Variants in PLPPR5 observed in about 807,000 individuals in gnomAD.
PLPPR5 encodes the protein phospholipid phosphatase-related protein type 5.
Under a neutral mutation model 33.9 loss-of-function variants are expected in PLPPR5, and 16 were observed. The observed-to-expected ratio is 0.47, with a 90% CI of 0.32 to 0.72. The LOEUF (loss-of-function observed/expected upper bound fraction) is 0.72. Ranked by LOEUF, PLPPR5 falls within the 30% of genes least tolerant of loss-of-function variation. PLPPR5 has a pLI of 0.03. For missense variants in PLPPR5, 301 were observed against 406.7 expected (o/e 0.74, Z 2.23); for synonymous variants, 163 against 150.3 (o/e 1.08, Z -0.62).
intron 3 of PLPPR5, among the ~76,000 whole-genome samples, chr1:98,928,152 T>C (rs996284772): frequency 6.6e-6 from 1 of 152,108 alleles, no homozygotes; most frequent in Admixed American, 6.5e-5. Flanking sequence ...GCACTTGAAA[T>C]ATGATGAGGC....
rs1164781915 is a variant in PLPPR5 at position 98,983,231 on chromosome 1, TC to T, written c.237+21203del. On this transcript the variant is annotated intron_variant, in intron 1 of 5. Coordinates refer to ENST00000263177, the MANE Select transcript of PLPPR5 (RefSeq NM_001037317.2). ...TAGGTATATCTCCCAATGCTATCCC[TC>T]CCCCCTCCCCCCACCCCACAACAGT... Among the ~76,000 whole-genome samples the T allele has an allele frequency of 3.2e-5, 3 of 94,692 alleles. No homozygotes were observed. The Admixed American group carries it at 3.8e-4, about 12-fold the overall frequency. The allele number at this position is 94,692 out of a possible 152,430, so 62.1% of individuals were successfully genotyped here.
intron 1 of PLPPR5, among the ~76,000 whole-genome samples, chr1:98,972,837 C>T (rs1037467247): frequency 6.6e-6 from 1 of 151,938 alleles, no homozygotes; most frequent in African/African-American, 2.4e-5. Context: ...GAGATTCTGC[C>T]CAATGAAGCA....
chr1:98,914,216 G>A (rs1175774161), intron 5 of PLPPR5, among the ~76,000 whole-genome samples: 2 of 152,104 alleles, frequency 1.3e-5, no homozygotes, highest in African/African-American at 2.4e-5. Flanking sequence ...TCCTTATTTA[G>A]AAACTACAGC....
At chr1:98,986,069 C>T (rs1652250608) in intron 1 of PLPPR5, among the ~76,000 whole-genome samples, 1 of 151,930 alleles carries the variant, frequency 6.6e-6, no homozygotes, top group Non-Finnish European at 1.5e-5. Context: ...ATGCACTTGT[C>T]ACCGTTTCAA....
chr1:98,902,974 CATAA>C (rs1648750963), intron 5 of PLPPR5, among the ~76,000 whole-genome samples: 1 of 151,928 alleles, frequency 6.6e-6, no homozygotes, highest in African/African-American at 2.4e-5. Flanking sequence ...TGTAATAATT[CATAA>C]ATAGTGTGGA....
intron 1 of PLPPR5, among the ~76,000 whole-genome samples, chr1:98,980,430 T>G (rs1463250027): frequency 6.6e-6 from 1 of 152,142 alleles, no homozygotes; most frequent in East Asian, 1.9e-4. Flanking sequence ...TGTAAAAGCC[T>G]GTCTTATGTG....
At position 98,993,516 on chromosome 1, in the gene PLPPR5, T is replaced by C. The variant is rs914261234; in HGVS notation, c.237+10919A>G. 1.2e-4 allele frequency among the ~76,000 whole-genome samples: 18 copies of C among 152,238 alleles called. No individual in the cohort carries two copies. The East Asian group carries it at 3.3e-3, about 28-fold the overall frequency. On this transcript the variant is annotated intron_variant, in intron 1 of 5. Transcript: ENST00000263177. The stretch of plus-strand genomic sequence containing the variant: ...GTTTTGACTAAGTCTCTTCATTCAA[T>C]TTAGTAACTGAGCAAGCCCAACACT...
intron 3 of PLPPR5, among the ~76,000 whole-genome samples, chr1:98,935,923 G>A (rs1241560903): frequency 6.6e-6 from 1 of 152,054 alleles, no homozygotes; most frequent in Non-Finnish European, 1.5e-5. Flanking sequence ...AGTGCCCAGG[G>A]TAAGGGACCT....
intron 1 of PLPPR5, among the ~76,000 whole-genome samples, chr1:98,984,020 A>C (rs910715921): frequency 7.3e-5 from 11 of 151,442 alleles, no homozygotes; most frequent in African/African-American, 2.7e-4. Flanking sequence ...CACTTAGGTA[A>C]GGGAGGCCTC....
chr1:98,893,332 C>A (rs775956368), intron 5 of PLPPR5, among the ~76,000 whole-genome samples: 11 of 151,920 alleles, frequency 7.2e-5, no homozygotes, highest in Non-Finnish European at 1.6e-4. Flanking sequence ...GTTATACCTG[C>A]TTTATTCAAA....
chr1:98,910,169 T>C (rs968991035), intron 5 of PLPPR5, among the ~76,000 whole-genome samples: 2 of 152,102 alleles, frequency 1.3e-5, no homozygotes, highest in Admixed American at 1.3e-4. Flanking sequence ...AACCAGAAAA[T>C]GACAGCTTGG....
At chr1:98,977,216 G>A (rs1468691442) in intron 1 of PLPPR5, among the ~76,000 whole-genome samples, 2 of 151,970 alleles carry the variant, frequency 1.3e-5, no homozygotes, top group East Asian at 3.9e-4. Flanking sequence ...ATAAATACAT[G>A]TGAAACTCTA....
intron 1 of PLPPR5, among the ~76,000 whole-genome samples, chr1:98,974,181 C>G (rs1011762787): frequency 9.2e-5 from 14 of 151,996 alleles, no homozygotes; most frequent in African/African-American, 3.1e-4. Flanking sequence ...GAAGTGTCAG[C>G]AAGTAGAGAA....
intron 5 of PLPPR5, among the ~76,000 whole-genome samples, chr1:98,913,126 T>A (rs990547541): frequency 6.6e-6 from 1 of 152,144 alleles, no homozygotes; most frequent in Non-Finnish European, 1.5e-5. Context: ...CCAGAACAAA[T>A]CTCATCCCTC....
At chr1:98,903,088 T>G (rs1426060076) in intron 5 of PLPPR5, among the ~76,000 whole-genome samples, 2 of 152,166 alleles carry the variant, frequency 1.3e-5, no homozygotes, top group Non-Finnish European at 2.9e-5. Flanking sequence ...TGTTGATGCC[T>G]GTTGGAAATT....
intron 5 of PLPPR5, among the ~76,000 whole-genome samples, chr1:98,900,375 C>A (rs1648653007): frequency 6.6e-6 from 1 of 152,090 alleles, no homozygotes; most frequent in African/African-American, 2.4e-5. Flanking sequence ...ACGTTTCAAG[C>A]ATTGCTAAGT....
At chr1:98,965,203 A>G (rs1651393441) in intron 1 of PLPPR5, among the ~76,000 whole-genome samples, 1 of 152,046 alleles carries the variant, frequency 6.6e-6, no homozygotes, top group Non-Finnish European at 1.5e-5. Flanking sequence ...CTGACAGTTT[A>G]CCTCATTGGG....
intron 1 of PLPPR5, among the ~76,000 whole-genome samples, chr1:98,995,641 C>A (rs1000178274): frequency 2.6e-5 from 4 of 151,944 alleles, no homozygotes; most frequent in Admixed American, 1.3e-4. Flanking sequence ...CTGCTTGGAG[C>A]ATGTCAACTT....
intron 3 of PLPPR5, among the ~76,000 whole-genome samples, chr1:98,952,413 G>A (rs1316343230): frequency 1.3e-5 from 2 of 152,144 alleles, no homozygotes; most frequent in African/African-American, 4.8e-5. Flanking sequence ...GACAAGAGCT[G>A]CCTGCCAAAG....
Sources: allele counts gnomAD v4.1 joint callset (sites outside exome capture counted in the v4.1 genomes callset), GRCh38; gene constraint gnomAD v4.1.1; transcripts MANE v1.5; gene names NCBI Gene and HGNC (gene_info 2026-07-23, HGNC 2026-07-21).